CEBPD: variants seen among roughly 807,000 people sequenced by gnomAD.
CEBPD encodes CCAAT enhancer binding protein delta.
For synonymous variants in CEBPD, 227 were observed against 194.8 expected (o/e 1.17, Z -1.38); for missense variants, 410 against 409.4 (o/e 1.00, Z -0.01).
rs769172758 is a variant in CEBPD, at chr8:47,737,609, G to T, written c.512C>A (p.Thr171Asn). Residue 171 changes from threonine (T) to asparagine (N), a missense_variant, in exon 1 of 1, where the codon ACC becomes AAC. Physicochemically the swap from Thr to Asn is moderately conservative, Grantham distance 65. Coordinates refer to ENST00000408965, the MANE Select transcript of CEBPD (RefSeq NM_005195.4). Reference sequence around the variant, plus strand: ...CTCCCGGGCGGGGCCGGGCGCGGGGGTCTGCCTGGGGCTGCTGCGCGGCGG... The same window carrying T: ...CTCCCGGGCGGGGCCGGGCGCGGGGTTCTGCCTGGGGCTGCTGCGCGGCGG... ...PEPPRSSPRQ[T>N]PAPGPAREKS... 9.4e-5 allele frequency: 136 copies of T among 1,441,032 alleles called. No homozygotes were observed. Among genetic ancestry groups the T allele is most frequent in the Non-Finnish European group, 1.2e-4 (131 of 1,103,594 alleles). The allele number at this position is 1,441,032 out of a possible 1,614,324, so 89.3% of individuals were successfully genotyped here.
In CEBPD at chr8:47,737,758, G is replaced by C. The variant is rs2086280115; in HGVS notation, c.363C>G (p.Arg121=). The part of the protein sequence containing the change: ...PGPAAPRLLK[R]EPDWGDGDAP... ...CGTCGCCGTCGCCCCAGTCGGGCTC[G>C]CGCTTGAGCAGGCGGGGAGCGGCAG... Residue 121 remains arginine (R), a synonymous_variant, in exon 1 of 1, where the codon CGC becomes CGG. Coordinates refer to ENST00000408965, the MANE Select transcript of CEBPD (RefSeq NM_005195.4). 1 of 1,236,420 alleles carries C rather than the reference G, an allele frequency of 8.1e-7. No homozygotes were observed. Among genetic ancestry groups the C allele is most frequent in the Non-Finnish European group, 1.0e-6 (1 of 992,068 alleles). 76.6% of individuals were successfully genotyped at this position (1,236,420 alleles called of 1,614,324 possible).
Position 47,738,154 on chromosome 8 carries a change from G to C in CEBPD, c.-34C>G. 1 of 1,153,636 alleles carries C rather than the reference G, an allele frequency of 8.7e-7. No homozygotes were observed. The highest frequency in any genetic ancestry group is 4.3e-5 in the South Asian group (1 of 23,080). 71.5% of individuals were successfully genotyped at this position (1,153,636 alleles called of 1,614,324 possible). A position where few individuals can be genotyped will look rare whatever the true frequency, so the allele number is the denominator to read the frequency against. On this transcript the variant is annotated 5_prime_UTR_variant, in exon 1 of 1. Transcript: ENST00000408965. This position sits in a 1 kb window ranked among gnomAD's most constrained non-coding sequence, Gnocchi z 4.1. Reference sequence around the variant, plus strand: ...CGGGCCGGGCTCTGCGTCCAAGCGAGGCTGTCACCTCGCTGGGCCCAGCCC... The same window carrying C: ...CGGGCCGGGCTCTGCGTCCAAGCGACGCTGTCACCTCGCTGGGCCCAGCCC...
Position 47,737,545 on chromosome 8 carries a change from G to C in CEBPD, c.576C>G (p.Pro192=), listed in dbSNP as rs774169573. ...AGKRGPDRGS[P]EYRQRRERNN... ...TGCGCTCGCGCCGCTGCCGGTACTC[G>C]GGGCTGCCGCGGTCCGGGCCCCTCT... The change falls in exon 1 of 1, where the codon CCC becomes CCG. Residue 192 remains proline (P), a synonymous_variant. Transcript: ENST00000408965. 6.3e-6 allele frequency: 10 copies of C among 1,598,268 alleles called. No homozygotes were observed. Among genetic ancestry groups the C allele is most frequent in the Middle Eastern group, 2.3e-4 (1 of 4,422 alleles).
chr8:47,737,913 C>T lies in CEBPD; in HGVS notation c.208G>A (p.Ala70Thr). ...TGGCACAGCTCCAGGGTGGGCACGG[C>T]GGCCATGGAGTCGATGTAGGCGCTG... ...DFSAYIDSMA[A>T]VPTLELCHDE... Residue 70 changes from alanine to threonine, a missense_variant, in exon 1 of 1, where the codon GCC (alanine) becomes ACC (threonine). Physicochemically the swap from Ala to Thr is moderately conservative, Grantham distance 58. Transcript: ENST00000408965. 1.3e-6 allele frequency: 2 copies of T among 1,509,632 alleles called. No individual in the cohort carries two copies. Among genetic ancestry groups the T allele is most frequent in the Non-Finnish European group, 1.8e-6 (2 of 1,124,674 alleles). The allele number at this position is 1,509,632 out of a possible 1,614,324, so 93.5% of individuals were successfully genotyped here. A position where few individuals can be genotyped will look rare whatever the true frequency, so the allele number is the denominator to read the frequency against.
Position 47,737,620 on chromosome 8 carries a change from G to A in CEBPD, c.501C>T (p.Ser167=), listed in dbSNP as rs2086276423. ...PPTSPEPPRS[S]PRQTPAPGPA... is the part of the protein sequence containing the mutation. ...GGCCGGGCGCGGGGGTCTGCCTGGG[G>A]CTGCTGCGCGGCGGCTCCGGCGACG... is the stretch of plus-strand genomic sequence containing the variant. Residue 167 remains serine (S), a synonymous_variant, in exon 1 of 1, where the codon AGC becomes AGT. Transcript: ENST00000408965. 1.5e-6 allele frequency: 2 copies of A among 1,305,190 alleles called. No homozygotes were observed. Among genetic ancestry groups the A allele is most frequent in the South Asian group, 2.6e-5 (1 of 38,972 alleles). The allele number at this position is 1,305,190 out of a possible 1,614,324, so 80.9% of individuals were successfully genotyped here.
In CEBPD at chr8:47,738,101, C is replaced by CT; in HGVS notation, c.19dup (p.Ser7LysfsTer223). The CT allele has an allele frequency of 8.5e-7, 1 of 1,183,126 alleles. No homozygotes were observed. The highest frequency in any genetic ancestry group is 1.0e-6 in the Non-Finnish European group (1 of 957,184). 73.3% of individuals were successfully genotyped at this position (1,183,126 alleles called of 1,614,324 possible). Reference sequence around the variant, plus strand: ...CGCGCCGCGCGCCGGGCCGTCCAGGCTGAAGAGCGCGGCGCTCATGGCGGC... The same window carrying CT: ...CGCGCCGCGCGCCGGGCCGTCCAGGCTTGAAGAGCGCGGCGCTCATGGCGGC... On this transcript the variant is annotated frameshift_variant, in exon 1 of 1. Transcript: ENST00000408965. LOFTEE classifies it low-confidence loss of function (END_TRUNC). This position sits in a 1 kb window ranked among gnomAD's most constrained non-coding sequence, Gnocchi z 4.1.
chr8:47,737,180 GCTC>G lies in CEBPD; in HGVS notation c.*128_*130del, dbSNP rs1307955033. 7 of 713,234 alleles carry G rather than the reference GCTC, an allele frequency of 9.8e-6. No homozygotes were observed. The highest frequency in any genetic ancestry group is 3.2e-5 in the East Asian group (1 of 31,134). The allele number at this position is 713,234 out of a possible 1,614,324, so 44.2% of individuals were successfully genotyped here. On this transcript the variant is annotated 3_prime_UTR_variant, in exon 1 of 1. Transcript: ENST00000408965. ...TAAGTCCAGGCTGTAGCTTCTTTGC[GCTC>G]CTATGTCCCAAGAAACTGCAGCGGG...
Position 47,737,259 on chromosome 8 carries a change from G to A in CEBPD, c.*52C>T. 6.8e-7 allele frequency: 1 copy of A among 1,467,184 alleles called. No individual in the cohort carries two copies. Among genetic ancestry groups the A allele is most frequent in the Non-Finnish European group, 9.1e-7 (1 of 1,103,852 alleles). The allele number at this position is 1,467,184 out of a possible 1,614,324, so 90.9% of individuals were successfully genotyped here. On this transcript the variant is annotated 3_prime_UTR_variant, in exon 1 of 1. Coordinates refer to ENST00000408965, the MANE Select transcript of CEBPD (RefSeq NM_005195.4). ...GGCAGGGCGCGCTCCGCTCCGGGCCGTCGGGTCTGAGGTATGGGTCGTTGC... is the reference window on the plus strand; with the variant it reads ...GGCAGGGCGCGCTCCGCTCCGGGCCATCGGGTCTGAGGTATGGGTCGTTGC...
At position 47,737,715 on chromosome 8, in the gene CEBPD, G is replaced by T; in HGVS notation, c.406C>A (p.Pro136Thr). The change falls in exon 1 of 1, where the codon CCC becomes ACC. Residue 136 changes from proline to threonine, a missense_variant. Pro to Thr is a conservative substitution (Grantham distance 38, BLOSUM62 -1). Transcript: ENST00000408965. ...TGTGCGCACGCGGCCACCTGCGCGGGCAACAGCGAGCCGGGCGCGTCGCCG... is the reference window on the plus strand; with the variant it reads ...TGTGCGCACGCGGCCACCTGCGCGGTCAACAGCGAGCCGGGCGCGTCGCCG... ...GDGDAPGSLLPAQVAACAQTV... is the reference protein window; with the variant it reads ...GDGDAPGSLLTAQVAACAQTV... 2 of 1,212,056 alleles carry T rather than the reference G, an allele frequency of 1.7e-6. No individual in the cohort carries two copies. The highest frequency in any genetic ancestry group is 1.0e-6 in the Non-Finnish European group (1 of 977,158). The allele number at this position is 1,212,056 out of a possible 1,614,324, so 75.1% of individuals were successfully genotyped here.
Position 47,737,818 on chromosome 8 carries a change from A to T in CEBPD, c.303T>A (p.Leu101=). 7.3e-7 allele frequency: 1 copy of T among 1,379,216 alleles called. No homozygotes were observed. The highest frequency in any genetic ancestry group is 9.4e-7 in the Non-Finnish European group (1 of 1,067,196). The allele number at this position is 1,379,216 out of a possible 1,614,324, so 85.4% of individuals were successfully genotyped here. A position where few individuals can be genotyped will look rare whatever the true frequency, so the allele number is the denominator to read the frequency against. Residue 101 remains leucine, a synonymous_variant, in exon 1 of 1, where the codon CTT becomes CTA. Transcript: ENST00000408965. ...CCAAGGGGCGCGCGGGGCCGCCGGG[A>T]AGAAGCTCCAGGGGCCCCGCGCCGC... ...KAGGAGPLEL[L]PGGPARPLGP...
chr8:47,737,175 T>TC lies in CEBPD; in HGVS notation c.*135_*136insG. The TC allele has an allele frequency of 1.4e-6, 1 of 690,984 alleles. No individual in the cohort carries two copies. Among genetic ancestry groups the TC allele is most frequent in the Non-Finnish European group, 2.3e-6 (1 of 437,574 alleles). 42.8% of individuals were successfully genotyped at this position (690,984 alleles called of 1,614,324 possible). On this transcript the variant is annotated 3_prime_UTR_variant, in exon 1 of 1. Transcript: ENST00000408965. ...GGTGGTAAGTCCAGGCTGTAGCTTC[T>TC]TTGCGCTCCTATGTCCCAAGAAACT...
chr8:47,737,325 C>G lies in CEBPD; in HGVS notation c.796G>C (p.Ala266Pro). Residue 266 changes from alanine to proline, a missense_variant, in exon 1 of 1, where the codon GCA becomes CCA. Physicochemically the swap from Ala to Pro is conservative, Grantham distance 27. Coordinates refer to ENST00000408965, the MANE Select transcript of CEBPD (RefSeq NM_005195.4). ...CCGGCCGCGCGTTACCGGCAGTCTG[C>G]TGTCCCGGCGGCCGGCAGGAAGGGC... ...SPPFLPAAGTADCR is the reference protein window; with the variant it reads ...SPPFLPAAGTPDCR 1 of 1,594,012 alleles carries G rather than the reference C, an allele frequency of 6.3e-7. No individual in the cohort carries two copies. The highest frequency in any genetic ancestry group is 8.5e-7 in the Non-Finnish European group (1 of 1,172,328).
Position 47,737,839 on chromosome 8 carries a change from G to A in CEBPD, c.282C>T (p.Gly94=), listed in dbSNP as rs748830463. The A allele has an allele frequency of 2.1e-6, 3 of 1,457,010 alleles. No individual in the cohort carries two copies. Among genetic ancestry groups the A allele is most frequent in the Admixed American group, 2.5e-5 (1 of 40,798 alleles). The allele number at this position is 1,457,010 out of a possible 1,614,324, so 90.3% of individuals were successfully genotyped here. A position where few individuals can be genotyped will look rare whatever the true frequency, so the allele number is the denominator to read the frequency against. The change falls in exon 1 of 1, where the codon GGC becomes GGT. Residue 94 remains glycine (G), a synonymous_variant. Coordinates refer to ENST00000408965, the MANE Select transcript of CEBPD (RefSeq NM_005195.4). ...CGGGAAGAAGCTCCAGGGGCCCCGC[G>A]CCGCCCGCCTTGTGATTGCTGTTGA... is the stretch of plus-strand genomic sequence containing the variant. ...DLFNSNHKAG[G]AGPLELLPGG...
Position 47,737,828 on chromosome 8 carries a change from A to C in CEBPD, c.293T>G (p.Leu98Arg). Residue 98 changes from leucine to arginine, a missense_variant, in exon 1 of 1, where the codon CTG (leucine) becomes CGG (arginine). Physicochemically the swap from Leu to Arg is moderately radical, Grantham distance 102. Transcript: ENST00000408965. ...CGCGGGGCCGCCGGGAAGAAGCTCC[A>C]GGGGCCCCGCGCCGCCCGCCTTGTG... ...SNHKAGGAGP[L>R]ELLPGGPARP... 1.4e-6 allele frequency: 2 copies of C among 1,426,908 alleles called. No individual in the cohort carries two copies. The highest frequency in any genetic ancestry group is 2.7e-5 in the Admixed American group (1 of 37,240). The allele number at this position is 1,426,908 out of a possible 1,614,324, so 88.4% of individuals were successfully genotyped here.
chr8:47,737,430 C>G lies in CEBPD; in HGVS notation c.691G>C (p.Glu231Gln). The G allele has an allele frequency of 6.2e-7, 1 of 1,606,972 alleles. No homozygotes were observed. Among genetic ancestry groups the G allele is most frequent in the Non-Finnish European group, 8.5e-7 (1 of 1,178,366 alleles). ...QKLVELSAEN[E>Q]KLHQRVEQLT... ...TGCTCCACGCGCTGGTGCAGCTTCT[C>G]GTTCTCAGCCGACAGCTCCACCAAC... The change falls in exon 1 of 1, where the codon GAG becomes CAG. Residue 231 changes from glutamate to glutamine, a missense_variant. Physicochemically the swap from Glu to Gln is conservative, Grantham distance 29. Coordinates refer to ENST00000408965, the MANE Select transcript of CEBPD (RefSeq NM_005195.4).
At position 47,737,968 on chromosome 8, in the gene CEBPD, G is replaced by T. The variant is rs1474407969; in HGVS notation, c.153C>A (p.Ala51=). 1 of 1,476,610 alleles carries T rather than the reference G, an allele frequency of 6.8e-7. No homozygotes were observed. 91.5% of individuals were successfully genotyped at this position (1,476,610 alleles called of 1,614,324 possible). A position where few individuals can be genotyped will look rare whatever the true frequency, so the allele number is the denominator to read the frequency against. Residue 51 remains alanine, a synonymous_variant, in exon 1 of 1, where the codon GCC becomes GCA. Transcript: ENST00000408965. ...CGATGGCGCTCTCGTCGTCGTACATGGCGGGGGCGGCGGCGCCTGGCTCGC... is the reference window on the plus strand; with the variant it reads ...CGATGGCGCTCTCGTCGTCGTACATTGCGGGGGCGGCGGCGCCTGGCTCGC... ...ALGEPGAAAP[A]MYDDESAIDF...
In CEBPD at chr8:47,737,212, C is replaced by T. The variant is rs1397719865; in HGVS notation, c.*99G>A. The T allele has an allele frequency of 7.9e-6, 9 of 1,141,024 alleles. No individual in the cohort carries two copies. Among genetic ancestry groups the T allele is most frequent in the Non-Finnish European group, 1.1e-5 (9 of 834,460 alleles). 70.7% of individuals were successfully genotyped at this position (1,141,024 alleles called of 1,614,324 possible). On this transcript the variant is annotated 3_prime_UTR_variant, in exon 1 of 1. Coordinates refer to ENST00000408965, the MANE Select transcript of CEBPD (RefSeq NM_005195.4). ...TGTCCCAAGAAACTGCAGCGGGCAC[C>T]CGGCGGCTCTGGCTGCGCCAGGGCA...
rs11539255 is a variant in CEBPD at position 47,737,449 on chromosome 8, C to T, written c.672G>A (p.Val224=). Residue 224 remains valine, a synonymous_variant, in exon 1 of 1, where the codon GTG becomes GTA. Coordinates refer to ENST00000408965, the MANE Select transcript of CEBPD (RefSeq NM_005195.4). ...GCTTCTCGTTCTCAGCCGACAGCTCCACCAACTTCTGCTGCATCTCCTGGT... is the reference window on the plus strand; with the variant it reads ...GCTTCTCGTTCTCAGCCGACAGCTCTACCAACTTCTGCTGCATCTCCTGGT... The part of the protein sequence containing the change: ...RRNQEMQQKL[V]ELSAENEKLH... 1.2e-6 allele frequency: 2 copies of T among 1,608,282 alleles called. No individual in the cohort carries two copies. The highest frequency in any genetic ancestry group is 1.7e-6 in the Non-Finnish European group (2 of 1,178,894).
Position 47,737,287 on chromosome 8 carries a change from A to C in CEBPD, c.*24T>G. 1.3e-6 allele frequency: 2 copies of C among 1,566,308 alleles called. No individual in the cohort carries two copies. The highest frequency in any genetic ancestry group is 1.7e-6 in the Non-Finnish European group (2 of 1,157,938). On this transcript the variant is annotated 3_prime_UTR_variant, in exon 1 of 1. Transcript: ENST00000408965. ...GGGTCTGAGGTATGGGTCGTTGCTG[A>C]GTCTCTCCCGCCCCGGCCGCGCGTT...
Sources: allele counts gnomAD v4.1 joint callset, GRCh38; gene constraint gnomAD v4.1.1; non-coding constraint Gnocchi (gnomAD v3.1); transcripts MANE v1.5; gene names NCBI Gene and HGNC (gene_info 2026-07-23, HGNC 2026-07-21).